NFX1: variants seen among roughly 807,000 people sequenced by gnomAD.
NFX1 encodes transcriptional repressor NF-X1.
Under a neutral mutation model 137.2 loss-of-function variants are expected in NFX1, and 69 were observed. That is an observed-to-expected ratio of 0.50 (90% CI 0.41 to 0.61). The LOEUF (loss-of-function observed/expected upper bound fraction) is 0.61. Ranked by LOEUF, NFX1 falls within the 20% of genes least tolerant of loss-of-function variation. The probability of loss-of-function intolerance (pLI) is 0.00; values close to 1 mark genes in which losing one functional copy is unlikely to be tolerated. For synonymous variants in NFX1, 495 were observed against 474.1 expected (o/e 1.04, Z -0.57); for missense variants, 1,167 against 1,391.0 (o/e 0.84, Z 2.56).
At chr9:33,307,089 A>T in intron 4 of NFX1, 105 bp from the exon 5 acceptor site, 1 of 733,686 alleles carries the variant, frequency 1.4e-6, no homozygotes, top group Non-Finnish European at 2.3e-6. Flanking sequence ...AATAATAAAA[A>T]CCACACTAAA....
intron 9 of NFX1, among the ~76,000 whole-genome samples, chr9:33,319,335 G>A (rs966595062): frequency 8.5e-5 from 13 of 152,198 alleles, no homozygotes; most frequent in Admixed American, 7.2e-4. Context: ...CTCTGATTCA[G>A]GTATTTTATT....
At chr9:33,309,503 G>C (rs889454136) in intron 5 of NFX1, among the ~76,000 whole-genome samples, 8 of 152,180 alleles carry the variant, frequency 5.3e-5, no homozygotes, top group Admixed American at 1.3e-4. Flanking sequence ...CTGCTCTTTT[G>C]TGGCTCTGGA....
chr9:33,319,085 T>C lies in NFX1; in HGVS notation c.1864T>C (p.Cys622Arg). 6.2e-7 allele frequency: 1 copy of C among 1,614,206 alleles called. No homozygotes were observed. The highest frequency in any genetic ancestry group is 8.5e-7 in the Non-Finnish European group (1 of 1,180,030). ...AACATGCATGGACCCTGTGCCTTCA[T>C]GTGGAAAAGTGTGCGGCAAGCCTCT... ...RKTCMDPVPS[C>R]GKVCGKPLPC... Residue 622 changes from cysteine (C) to arginine (R), a missense_variant, in exon 9 of 24, where the codon TGT becomes CGT. Transcript: ENST00000379540.
intron 15 of NFX1, among the ~76,000 whole-genome samples, chr9:33,350,322 G>C (rs1014535528): frequency 3.9e-4 from 56 of 144,868 alleles, no homozygotes; most frequent in African/African-American, 1.2e-3. Flanking sequence ...AAAAAAAAAA[G>C]GCAAAATAAA....
chr9:33,328,491 G>T (rs1822679576), intron 9 of NFX1, 90 bp from the exon 10 acceptor site: 3 of 854,430 alleles, frequency 3.5e-6, no homozygotes, highest in Non-Finnish European at 5.9e-6. Flanking sequence ...GCAGGGCATG[G>T]AGGGGAAGAC....
intron 19 of NFX1, among the ~76,000 whole-genome samples, chr9:33,355,959 A>G (rs1823796785): frequency 6.6e-6 from 1 of 152,042 alleles, no homozygotes; most frequent in Non-Finnish European, 1.5e-5. Flanking sequence ...ACATTCTTAA[A>G]CTTGCTTGCT....
At chr9:33,343,144 A>G (rs1010032986) in intron 13 of NFX1, among the ~76,000 whole-genome samples, 1 of 152,120 alleles carries the variant, frequency 6.6e-6, no homozygotes, top group Non-Finnish European at 1.5e-5. Context: ...GTCCTCAACA[A>G]TCTTCTTTCT....
chr9:33,341,541 A>C lies in NFX1; in HGVS notation c.2116-1205A>C, dbSNP rs772649041. Among the ~76,000 whole-genome samples the C allele has an allele frequency of 2.0e-5, 3 of 152,198 alleles. 1 individual carries two copies. The highest frequency in any genetic ancestry group is 4.4e-5 in the Non-Finnish European group (3 of 68,024). On this transcript the variant is annotated intron_variant, in intron 12 of 23. Transcript: ENST00000379540. ...GTGTATGTATGTATATAGCATACAT[A>C]ATTATTTTTTAAATTTATATATTTA...
Position 33,344,904 on chromosome 9 carries a change from G to A in NFX1, c.2344+716G>A, listed in dbSNP as rs528948319. ...AGGCCAGGCACAGTGGCTCATGCCT[G>A]TAATCCTAGCACTTTGGGAGGCTGA... On this transcript the variant is annotated intron_variant, in intron 14 of 23. Transcript: ENST00000379540. Among the ~76,000 whole-genome samples the A allele has an allele frequency of 2.0e-5, 3 of 152,188 alleles. No individual in the cohort carries two copies. In the South Asian group the frequency reaches 6.2e-4, roughly 32 times the overall value.
chr9:33,295,948 T>C (rs1272746224), intron 2 of NFX1, among the ~76,000 whole-genome samples: 1 of 152,212 alleles, frequency 6.6e-6, no homozygotes, highest in Non-Finnish European at 1.5e-5. Context: ...TTATTTGTTT[T>C]TTTGAGAGGA....
chr9:33,296,113 A>C (rs1821345968), intron 2 of NFX1, among the ~76,000 whole-genome samples: 1 of 151,942 alleles, frequency 6.6e-6, no homozygotes, highest in Admixed American at 6.6e-5. Flanking sequence ...TTTTAGTAGA[A>C]ATGGGGTTTC....
intron 12 of NFX1, among the ~76,000 whole-genome samples, chr9:33,341,296 C>A (rs1027317796): frequency 6.6e-6 from 1 of 152,066 alleles, no homozygotes; most frequent in Admixed American, 6.6e-5. Context: ...CAGGGAAACT[C>A]GGCCTTATAA....
chr9:33,342,236 C>T (rs370453256), intron 12 of NFX1, among the ~76,000 whole-genome samples: 68 of 152,024 alleles, frequency 4.5e-4, no homozygotes, highest in African/African-American at 1.4e-3. Context: ...CCAAGGTGGG[C>T]GGATCATGAG....
At chr9:33,356,550 C>A (rs147721031) in intron 19 of NFX1, among the ~76,000 whole-genome samples, 145 of 152,176 alleles carry the variant, frequency 9.5e-4, no homozygotes, top group African/African-American at 3.3e-3. Context: ...AAGCACTTTT[C>A]ATGTCCTATT....
At chr9:33,320,705 G>T (rs1354335297) in intron 9 of NFX1, among the ~76,000 whole-genome samples, 1 of 152,212 alleles carries the variant, frequency 6.6e-6, no homozygotes, top group Non-Finnish European at 1.5e-5. Context: ...TCTCCTGAGT[G>T]GGTGTTGAAA....
At chr9:33,295,527 G>C in intron 2 of NFX1, 100 bp downstream of exon 2, 4 of 1,302,036 alleles carry the variant, frequency 3.1e-6, no homozygotes, top group Non-Finnish European at 4.1e-6. Flanking sequence ...AGTATGGAAA[G>C]TTACACTGTA....
chr9:33,319,510 G>A (rs564719300), intron 9 of NFX1, among the ~76,000 whole-genome samples: 6 of 152,226 alleles, frequency 3.9e-5, no homozygotes, highest in South Asian at 4.1e-4. Context: ...AATTGTGGGT[G>A]AGACAGAGTC....
chr9:33,364,346 T>G (rs1445003367), intron 20 of NFX1, among the ~76,000 whole-genome samples: 1 of 152,160 alleles, frequency 6.6e-6, no homozygotes, highest in East Asian at 1.9e-4. Flanking sequence ...GGGGTGGTGG[T>G]AAGAGTTTGG....
At position 33,338,595 on chromosome 9, in the gene NFX1, TG is replaced by T; in HGVS notation, c.2115+8del. 1.3e-6 allele frequency: 2 copies of T among 1,585,482 alleles called. No individual in the cohort carries two copies. Among genetic ancestry groups the T allele is most frequent in the Non-Finnish European group, 1.7e-6 (2 of 1,170,198 alleles). On this transcript the variant is annotated splice_region_variant and intron_variant, in intron 12 of 23. Transcript: ENST00000379540. ...GTAATGAGATATGCTGTGTGGTAAG[TG>T]GACTTATTAGGCATAATCAGATTCC...
Sources: gnomAD v4.1 joint callset for allele counts (sites outside exome capture counted in the v4.1 genomes callset) on GRCh38, gnomAD v4.1.1 for gene constraint, MANE v1.5 for transcripts, NCBI Gene and HGNC (gene_info 2026-07-23, HGNC 2026-07-21) for gene names.